The following LYPLAL1 variants were observed in gnomAD, a reference collection of about 807,000 sequenced individuals.
LYPLAL1 encodes lysophospholipase like 1.
Under a neutral mutation model 19.7 loss-of-function variants are expected in LYPLAL1, and 23 were observed. The ratio of observed to expected loss-of-function variants is 1.17; its 90% CI spans 0.84 to 1.65. The LOEUF (loss-of-function observed/expected upper bound fraction) is 1.65. Ranked by LOEUF, LYPLAL1 falls within the 40% of genes most tolerant of loss-of-function variation. The pLI is 0.00. For missense variants in LYPLAL1, 355 were observed against 279.4 expected (o/e 1.27, Z -1.93); for synonymous variants, 119 against 96.3 (o/e 1.24, Z -1.38).
At chr1:219,370,346 GC>G in the LYPLAL1 span, among the ~76,000 whole-genome samples, 1 of 152,018 alleles carries the variant, frequency 6.6e-6, no homozygotes, top group Admixed American at 6.6e-5. Context: ...TTTTCTCGTG[GC>G]CCATGATTGA....
chr1:219,197,488 T>TA (rs1657699578), intron 3 of LYPLAL1, among the ~76,000 whole-genome samples: 1 of 152,148 alleles, frequency 6.6e-6, no homozygotes, highest in South Asian at 2.1e-4. Context: ...CAAGATGGAT[T>TA]AAAGACTGAA....
At chr1:219,181,331 T>G (rs1656260344) in intron 2 of LYPLAL1, among the ~76,000 whole-genome samples, 1 of 152,154 alleles carries the variant, frequency 6.6e-6, no homozygotes, top group Admixed American at 6.5e-5. Flanking sequence ...CTTATGTGGT[T>G]AGGGGCTGCC....
chr1:219,400,085 G>A, the LYPLAL1 span, among the ~76,000 whole-genome samples: 3 of 152,100 alleles, frequency 2.0e-5, no homozygotes, highest in African/African-American at 4.8e-5. Flanking sequence ...TATTTCCCCA[G>A]AGTCACTGGG....
the LYPLAL1 span, among the ~76,000 whole-genome samples, chr1:219,220,974 G>C: frequency 3.9e-5 from 6 of 152,204 alleles, no homozygotes; most frequent in Admixed American, 6.5e-5. Flanking sequence ...TCACAGGGCA[G>C]ATGTGATTAA....
chr1:219,219,697 T>G, the LYPLAL1 span, among the ~76,000 whole-genome samples: 1 of 152,054 alleles, frequency 6.6e-6, no homozygotes, highest in Admixed American at 6.6e-5. Context: ...GGGGTATTGG[T>G]AGGTGGGTTC....
At chr1:219,277,326 A>C in the LYPLAL1 span, among the ~76,000 whole-genome samples, 835 of 152,276 alleles carry the variant, frequency 5.5e-3, 6 homozygotes, top group Non-Finnish European at 7.2e-3. Flanking sequence ...GAAAATATTC[A>C]TTGATTATGA....
At chr1:219,244,078 C>G in the LYPLAL1 span, among the ~76,000 whole-genome samples, 4 of 151,910 alleles carry the variant, frequency 2.6e-5, no homozygotes, top group African/African-American at 9.7e-5. Context: ...TCAGAGGGAC[C>G]ATAATCAGAA....
chr1:219,441,339 A>G, the LYPLAL1 span, among the ~76,000 whole-genome samples: 8 of 152,206 alleles, frequency 5.3e-5, no homozygotes, highest in Non-Finnish European at 8.8e-5. Flanking sequence ...CAATATTTCT[A>G]TTTTAGAGAT....
the LYPLAL1 span, among the ~76,000 whole-genome samples, chr1:219,350,707 A>T: frequency 6.6e-6 from 1 of 152,174 alleles, no homozygotes; most frequent in Non-Finnish European, 1.5e-5. Context: ...CATCAAACAA[A>T]TAGACCAAGG....
the LYPLAL1 span, among the ~76,000 whole-genome samples, chr1:219,325,248 G>A: frequency 1.9e-4 from 29 of 152,202 alleles, no homozygotes; most frequent in Non-Finnish European, 3.4e-4. Context: ...CTCATAATGC[G>A]TTTCTCAGTT....
At chr1:219,233,177 C>T in the LYPLAL1 span, among the ~76,000 whole-genome samples, 1 of 152,166 alleles carries the variant, frequency 6.6e-6, no homozygotes. Flanking sequence ...TAATATTATT[C>T]AGCCTTTAAA....
chr1:219,179,229 T>C lies in LYPLAL1; in HGVS notation c.174T>C (p.Tyr58=). The part of the protein sequence containing the change: ...DLTFQHIKII[Y]PTAPPRSYTP... ...CATTCCAACACATAAAAATTATTTA[T>C]CCAACAGCTCCTCCCAGGTATGCAG... Residue 58 remains tyrosine (Y), a synonymous_variant, in exon 2 of 5, where the codon TAT becomes TAC. Coordinates refer to ENST00000366928, the MANE Select transcript of LYPLAL1 (RefSeq NM_138794.5). 6.2e-7 allele frequency: 1 copy of C among 1,608,906 alleles called. No individual in the cohort carries two copies. Among genetic ancestry groups the C allele is most frequent in the Non-Finnish European group, 8.5e-7 (1 of 1,176,430 alleles).
chr1:219,431,966 T>C, the LYPLAL1 span, among the ~76,000 whole-genome samples: 1 of 152,240 alleles, frequency 6.6e-6, no homozygotes, highest in Admixed American at 6.5e-5. Context: ...GCATAATGCA[T>C]GTAGAGTGTT....
chr1:219,290,134 A>G, the LYPLAL1 span, among the ~76,000 whole-genome samples: 3 of 152,226 alleles, frequency 2.0e-5, no homozygotes, highest in Non-Finnish European at 4.4e-5. Flanking sequence ...ACCCATCAGA[A>G]TGCTCAGGTG....
chr1:219,222,100 C>T, the LYPLAL1 span: 1 of 152,110 alleles, frequency 6.6e-6, no homozygotes, highest in African/African-American at 2.4e-5. Context: ...AGATGTATGG[C>T]TTTTAATCCC....
the LYPLAL1 span, among the ~76,000 whole-genome samples, chr1:219,287,036 C>T: frequency 3.9e-5 from 6 of 152,190 alleles, no homozygotes; most frequent in African/African-American, 1.2e-4. Flanking sequence ...GTAACAATAA[C>T]ACATCTACCA....
the LYPLAL1 span, among the ~76,000 whole-genome samples, chr1:219,349,409 G>C: frequency 4.6e-5 from 7 of 152,226 alleles, no homozygotes; most frequent in Non-Finnish European, 1.0e-4. Flanking sequence ...AGTATGATGA[G>C]GTAAATGCTA....
the LYPLAL1 span, among the ~76,000 whole-genome samples, chr1:219,364,222 A>G: frequency 3.9e-5 from 6 of 152,142 alleles, no homozygotes; most frequent in Middle Eastern, 3.2e-3. Context: ...ACCCAAGTCT[A>G]GCTCTACTTT....
the LYPLAL1 span, among the ~76,000 whole-genome samples, chr1:219,362,076 G>C: frequency 6.6e-6 from 1 of 152,076 alleles, no homozygotes; most frequent in Non-Finnish European, 1.5e-5. Context: ...TAGATTAATA[G>C]AATGTTAGGA....
Sources: gnomAD v4.1 joint callset for allele counts (sites outside exome capture counted in the v4.1 genomes callset) on GRCh38, gnomAD v4.1.1 for gene constraint, MANE v1.5 for transcripts, NCBI Gene and HGNC (gene_info 2026-07-23, HGNC 2026-07-21) for gene names.